BPIFB1: variants seen among roughly 807,000 people sequenced by gnomAD.
BPIFB1 encodes the protein BPI fold-containing family B member 1.
Under a neutral mutation model 55.1 loss-of-function variants are expected in BPIFB1, and 34 were observed. The observed-to-expected ratio is 0.62, with a 90% CI of 0.47 to 0.82. BPIFB1 has a LOEUF of 0.82. Among genes scored for constraint, BPIFB1 ranks in the 40% least tolerant of loss-of-function variants. The pLI is 0.00. For synonymous variants in BPIFB1, 236 were observed against 245.3 expected, an observed-to-expected ratio of 0.96 and a Z score of 0.35; for missense variants, 532 against 593.1, an observed-to-expected ratio of 0.90 and a Z score of 1.07.
At chr20:33,296,350 C>G (rs1353316448) in intron 6 of BPIFB1, among the ~76,000 whole-genome samples, 1 of 152,236 alleles carries the variant, frequency 6.6e-6, no homozygotes, top group East Asian at 1.9e-4. Flanking sequence ...CAGCCAGGAG[C>G]AGGGAACGGT....
intron 8 of BPIFB1, among the ~76,000 whole-genome samples, 166 bp from the exon 9 acceptor site, chr20:33,301,067 G>A (rs1362203577): frequency 6.6e-6 from 1 of 152,202 alleles, no homozygotes; most frequent in Non-Finnish European, 1.5e-5. Flanking sequence ...TATCCGAGGG[G>A]CAAAGATGGA....
chr20:33,302,582 C>T lies in BPIFB1; in HGVS notation c.981+170C>T, dbSNP rs1056664802. 14 of 717,678 alleles carry T rather than the reference C, an allele frequency of 2.0e-5. No individual in the cohort carries two copies. In the African/African-American group the frequency reaches 2.5e-4, roughly 13 times the overall value. The allele number at this position is 717,678 out of a possible 1,614,324, so 44.5% of individuals were successfully genotyped here. The stretch of plus-strand genomic sequence containing the variant: ...TCTAGCAGGCCAGTTTGACCTGAAG[C>T]AAATCATCACATGGATAGTATTTCC... On this transcript the variant is annotated intron_variant, in intron 10 of 15. Coordinates refer to ENST00000253354, the MANE Select transcript of BPIFB1 (RefSeq NM_033197.3).
At chr20:33,291,385 CAGGGCAGGTGT>C (rs1568648299) in intron 5 of BPIFB1, among the ~76,000 whole-genome samples, 2 of 152,186 alleles carry the variant, frequency 1.3e-5, no homozygotes, top group Non-Finnish European at 2.9e-5. Flanking sequence ...CTCCAAACAC[CAGGGCAGGTGT>C]AGGTGGAGCC....
intron 4 of BPIFB1, among the ~76,000 whole-genome samples, chr20:33,290,659 G>C (rs574960066): frequency 6.6e-6 from 1 of 152,330 alleles, no homozygotes; most frequent in South Asian, 2.1e-4. Context: ...GAGAGGAGCA[G>C]GTCTGGGGAA....
intron 6 of BPIFB1, among the ~76,000 whole-genome samples, chr20:33,295,622 C>T (rs1180949994): frequency 1.6e-5 from 2 of 121,246 alleles, no homozygotes; most frequent in African/African-American, 4.6e-5. Flanking sequence ...GAGTGAGACT[C>T]GAAAGAAGAA....
intron 13 of BPIFB1, 144 bp downstream of exon 13, chr20:33,305,035 A>G (rs977812340): frequency 8.1e-6 from 7 of 860,824 alleles, no homozygotes; most frequent in East Asian, 5.2e-5. Flanking sequence ...CCAAAGTCCA[A>G]CTTCCCTCGA....
intron 6 of BPIFB1, among the ~76,000 whole-genome samples, chr20:33,292,982 C>T (rs1049567840): frequency 2.0e-5 from 3 of 152,212 alleles, no homozygotes; most frequent in South Asian, 2.1e-4. Flanking sequence ...AGTGCAGTGG[C>T]GCAATCTCAG....
At chr20:33,290,384 G>A (rs1004957764) in intron 4 of BPIFB1, among the ~76,000 whole-genome samples, 2 of 152,164 alleles carry the variant, frequency 1.3e-5, no homozygotes, top group Non-Finnish European at 2.9e-5. Context: ...TAAGAGTGGA[G>A]ACAGGAAGGC....
At chr20:33,290,044 TTCCCCC>T in intron 4 of BPIFB1, 52 bp downstream of exon 4, 1 of 1,394,846 alleles carries the variant, frequency 7.2e-7, no homozygotes, top group Non-Finnish European at 1.0e-6. Context: ...CATCTGCTCG[TTCCCCC>T]TCCCCCGCCC....
At chr20:33,307,258 C>T (rs1483409817) in intron 15 of BPIFB1, 10 of 430,386 alleles carry the variant, frequency 2.3e-5, no homozygotes, top group Admixed American at 7.6e-5. Context: ...AAATATTTTT[C>T]GAGGGTCTTC....
rs1433756460 is a variant in BPIFB1 at position 33,290,994 on chromosome 20, A to G, written c.403A>G (p.Thr135Ala). 2 of 1,613,862 alleles carry G rather than the reference A, an allele frequency of 1.2e-6. No homozygotes were observed. ...VKTIVEFHMT[T>A]EAQATIRMDT... is the part of the protein sequence containing the mutation. ...GACCATCGTGGAGTTCCACATGACGACTGAGGCCCAAGCCACCATCCGCAT... is the reference window on the plus strand; with the variant it reads ...GACCATCGTGGAGTTCCACATGACGGCTGAGGCCCAAGCCACCATCCGCAT... Residue 135 changes from threonine (T) to alanine (A), a missense_variant, in exon 5 of 16, where the codon ACT (threonine) becomes GCT (alanine). Thr to Ala is a moderately conservative substitution (Grantham distance 58, BLOSUM62 0). Transcript: ENST00000253354.
intron 14 of BPIFB1, chr20:33,306,477 G>A: frequency 3.1e-6 from 1 of 322,034 alleles, no homozygotes; most frequent in Non-Finnish European, 5.8e-6. Context: ...TTCTTCAGAG[G>A]CACAAATCAG....
At chr20:33,304,070 T>C (rs1980939817) in intron 12 of BPIFB1, 45 bp downstream of exon 12, 2 of 1,551,240 alleles carry the variant, frequency 1.3e-6, no homozygotes, top group African/African-American at 1.4e-5. Context: ...TGGAAATGAG[T>C]CCCGCCTGGT....
rs778067642 is a variant in BPIFB1 at position 33,290,929 on chromosome 20, C to T, written c.366-28C>T. On this transcript the variant is annotated intron_variant, in intron 4 of 15. Transcript: ENST00000253354. ...CTCCAGCCCGAGCTTGCCTGGTGCT[C>T]ACATGGTCAGGTGCCTCCACCCGCT... 1.1e-5 allele frequency: 18 copies of T among 1,610,150 alleles called. No homozygotes were observed. In the East Asian group the frequency reaches 3.1e-4, roughly 28 times the overall value.
In BPIFB1 at chr20:33,301,957, G is replaced by A. The variant is rs115962831; in HGVS notation, c.928-402G>A. 2.1e-3 allele frequency among the ~76,000 whole-genome samples: 317 copies of A among 152,302 alleles called. 1 individual carries two copies. The highest frequency in any genetic ancestry group is 7.1e-3 in the African/African-American group (295 of 41,556). On this transcript the variant is annotated intron_variant, in intron 9 of 15. Transcript: ENST00000253354. ...CAGAGGGGGAAAGGGTTGGTCCAAC[G>A]TTATGGGAGGATGGCAGAACTTCAG...
chr20:33,288,847 C>A lies in BPIFB1; in HGVS notation c.222C>A (p.Gly74=), dbSNP rs1228644141. The change falls in exon 3 of 16, where the codon GGC becomes GGA. Residue 74 remains glycine, a synonymous_variant. Transcript: ENST00000253354. ...EKPAGGIPVL[G]SLVNTVLKHI... ...CAGCCGGAGGCATCCCTGTGCTGGGCAGCCTGGTGAACACCGTCCTGAAGC... is the reference window on the plus strand; with the variant it reads ...CAGCCGGAGGCATCCCTGTGCTGGGAAGCCTGGTGAACACCGTCCTGAAGC... 95 of 1,613,758 alleles carry A rather than the reference C, an allele frequency of 5.9e-5. No individual in the cohort carries two copies. Among genetic ancestry groups the A allele is most frequent in the Non-Finnish European group, 8.0e-5 (94 of 1,180,016 alleles).
rs1053918851 is a variant in BPIFB1 at position 33,309,597 on chromosome 20, G to T, written c.1396-111G>T. On this transcript the variant is annotated intron_variant, in intron 15 of 15. Transcript: ENST00000253354. This position sits in a 1 kb window ranked among gnomAD's most constrained non-coding sequence, Gnocchi z 4.4. ...AAGAATTCTGTATTTGTGGGTTCAG[G>T]GTCATGGTCCCCCGGTGCCAGCAGT... 2 of 1,004,370 alleles carry T rather than the reference G, an allele frequency of 2.0e-6. No homozygotes were observed. The highest frequency in any genetic ancestry group is 3.1e-6 in the Non-Finnish European group (2 of 641,090). 62.2% of individuals were successfully genotyped at this position (1,004,370 alleles called of 1,614,324 possible).
At position 33,292,027 on chromosome 20, in the gene BPIFB1, C is replaced by T. The variant is rs763793836; in HGVS notation, c.597+39C>T. 7 of 1,582,534 alleles carry T rather than the reference C, an allele frequency of 4.4e-6. No homozygotes were observed. The Admixed American group carries it at 1.0e-4, about 23-fold the overall frequency. On this transcript the variant is annotated intron_variant, in intron 6 of 15. Transcript: ENST00000253354. ...GGGCCTCTCTGGCCTGTGGGCATTGCGCCCCCTGTGGGGCTTGGGTGGAAC... is the reference window on the plus strand; with the variant it reads ...GGGCCTCTCTGGCCTGTGGGCATTGTGCCCCCTGTGGGGCTTGGGTGGAAC...
rs1405741755 is a variant in BPIFB1 at position 33,304,849 on chromosome 20, T to C, written c.1212T>C (p.Ser404=). The C allele has an allele frequency of 1.2e-6, 2 of 1,614,096 alleles. No homozygotes were observed. The highest frequency in any genetic ancestry group is 1.7e-6 in the Non-Finnish European group (2 of 1,180,040). Residue 404 remains serine (S), a synonymous_variant, in exon 13 of 16, where the codon TCT becomes TCC. Transcript: ENST00000253354. ...TCACAGGCATCTTCCATTGCAGCTC[T>C]GATCGGATCCAGCTGATGAACTCTG... The part of the protein sequence containing the change: ...QLILNLNNIS[S]DRIQLMNSGI...
Sources: gnomAD v4.1 joint callset for allele counts (sites outside exome capture counted in the v4.1 genomes callset) on GRCh38, gnomAD v4.1.1 for gene constraint, Gnocchi (gnomAD v3.1) non-coding constraint, MANE v1.5 for transcripts, NCBI Gene and HGNC (gene_info 2026-07-23, HGNC 2026-07-21) for gene names.